The following FOXP1 variants were observed in gnomAD, a reference collection of about 807,000 sequenced individuals.
FOXP1 encodes forkhead box P1.
A neutral mutation model predicts 98.2 loss-of-function variants in FOXP1; 15 were observed. The observed-to-expected ratio is 0.15, with a 90% CI of 0.10 to 0.24. The LOEUF is 0.24. Ranked by LOEUF, FOXP1 falls within the 10% of genes least tolerant of loss-of-function variation. The pLI is 1.00. For missense variants in FOXP1, 633 were observed against 848.5 expected, an observed-to-expected ratio of 0.75 and a Z score of 3.15; for synonymous variants, 371 against 314.5, an observed-to-expected ratio of 1.18 and a Z score of -1.90.
chr3:70,970,673 TTTTG>T, intron 19 of FOXP1, 59 bp downstream of exon 19: 1 of 1,267,352 alleles, frequency 7.9e-7, no homozygotes, highest in Non-Finnish European at 1.2e-6. Flanking sequence ...GGCTAATATA[TTTTG>T]AAATGAGTAG....
chr3:71,197,892 GAAT>G (rs762313892), intron 6 of FOXP1: 1 of 1,614,062 alleles, frequency 6.2e-7, no homozygotes, highest in Non-Finnish European at 8.5e-7. Flanking sequence ...TTTCTCCAAA[GAAT>G]AATTTTATTC....
chr3:71,162,444 TGA>T (rs1202777985), intron 6 of FOXP1, among the ~76,000 whole-genome samples: 1 of 152,206 alleles, frequency 6.6e-6, no homozygotes, highest in Non-Finnish European at 1.5e-5. Context: ...TTATTCTGAC[TGA>T]AGGGGGAGCC....
At chr3:71,233,418 T>G (rs184721646) in intron 5 of FOXP1, among the ~76,000 whole-genome samples, 19 of 152,066 alleles carry the variant, frequency 1.2e-4, no homozygotes, top group East Asian at 9.6e-4. Flanking sequence ...GCTATAGTTT[T>G]TTTTTGTTTT....
intron 11 of FOXP1, among the ~76,000 whole-genome samples, chr3:71,032,640 C>T (rs931613960): frequency 1.3e-5 from 2 of 152,142 alleles, no homozygotes; most frequent in African/African-American, 4.8e-5. Flanking sequence ...AGAGGTAGCT[C>T]CCTCGGAAAG....
intron 2 of FOXP1, among the ~76,000 whole-genome samples, chr3:71,529,424 T>C (rs2043649594): frequency 6.6e-6 from 1 of 152,208 alleles, no homozygotes; most frequent in African/African-American, 2.4e-5. Context: ...CACATAGTCC[T>C]TAAAAACTTT....
intron 3 of FOXP1, among the ~76,000 whole-genome samples, chr3:71,463,694 A>G (rs968714652): frequency 6.6e-6 from 1 of 152,198 alleles, no homozygotes; most frequent in African/African-American, 2.4e-5. Context: ...AATGAAAGCA[A>G]GAAAGCAGCT....
chr3:70,976,901 A>G, intron 17 of FOXP1, 40 bp downstream of exon 17: 1 of 1,395,294 alleles, frequency 7.2e-7, no homozygotes, highest in Non-Finnish European at 1.0e-6. Flanking sequence ...TGTTCTATGA[A>G]CGTCAAGATC....
chr3:71,459,934 T>C (rs1454008524), intron 3 of FOXP1, among the ~76,000 whole-genome samples: 1 of 151,192 alleles, frequency 6.6e-6, no homozygotes, highest in African/African-American at 2.4e-5. Context: ...CCATCTTCTT[T>C]TTTTTTTTTC....
intron 19 of FOXP1, among the ~76,000 whole-genome samples, chr3:70,967,733 A>T: frequency 9.5e-6 from 1 of 104,978 alleles, no homozygotes; most frequent in Non-Finnish European, 1.8e-5. Context: ...TTTTTTGCAA[A>T]CTGCAGTTGG....
intron 3 of FOXP1, among the ~76,000 whole-genome samples, chr3:71,382,054 T>C (rs555512345): frequency 6.6e-6 from 1 of 152,294 alleles, no homozygotes; most frequent in Non-Finnish European, 1.5e-5. Context: ...GGCGAGTTTC[T>C]TGAGTCCAAG....
chr3:71,046,893 C>G, intron 10 of FOXP1, 49 bp downstream of exon 10: 2 of 1,606,814 alleles, frequency 1.2e-6, no homozygotes, highest in Non-Finnish European at 1.7e-6. Context: ...CCCACCACCT[C>G]CACCCAAAGT....
intron 3 of FOXP1, among the ~76,000 whole-genome samples, chr3:71,473,281 A>C (rs2089521080): frequency 6.6e-6 from 1 of 152,172 alleles, no homozygotes; most frequent in Non-Finnish European, 1.5e-5. Context: ...GTGAGACCCT[A>C]AATTGTGGGT....
intron 4 of FOXP1, among the ~76,000 whole-genome samples, chr3:71,356,859 G>C (rs986668623): frequency 1.3e-5 from 2 of 152,212 alleles, no homozygotes; most frequent in African/African-American, 2.4e-5. Context: ...AGTATAGGCA[G>C]AGAATATATT....
At chr3:71,482,909 A>G (rs896398423) in intron 3 of FOXP1, among the ~76,000 whole-genome samples, 2 of 151,132 alleles carry the variant, frequency 1.3e-5, no homozygotes, top group Middle Eastern at 3.2e-3. Context: ...ATCTCAGCTC[A>G]TGGCAACCTC....
chr3:71,059,892 GAGAC>G (rs770416050), intron 7 of FOXP1, among the ~76,000 whole-genome samples: 1 of 152,080 alleles, frequency 6.6e-6, no homozygotes, highest in Non-Finnish European at 1.5e-5. Flanking sequence ...AATAATGAAA[GAGAC>G]AGCAACTGTT....
intron 4 of FOXP1, among the ~76,000 whole-genome samples, chr3:71,331,444 A>G (rs894397469): frequency 1.5e-5 from 2 of 136,956 alleles, no homozygotes; most frequent in African/African-American, 5.4e-5. Flanking sequence ...GCTCCACGGC[A>G]CCCAGTCCCA....
intron 8 of FOXP1, among the ~76,000 whole-genome samples, chr3:71,052,920 TGA>T (rs1414566000): frequency 6.6e-6 from 1 of 152,336 alleles, no homozygotes; most frequent in East Asian, 1.9e-4. Context: ...ATGCCCTTGC[TGA>T]GAGAGTCTGG....
Position 71,211,542 on chromosome 3 carries a change from AT to A in FOXP1, c.-11-13151del, listed in dbSNP as rs2064466403. Among the ~76,000 whole-genome samples the A allele has an allele frequency of 1.1e-4, 17 of 152,230 alleles. No homozygotes were observed. The South Asian group carries it at 3.5e-3, about 32-fold the overall frequency. On this transcript the variant is annotated intron_variant, in intron 5 of 20. Transcript: ENST00000649528. The stretch of plus-strand genomic sequence containing the variant: ...TTACTTCTATGTACCCAGTTTACTT[AT>A]TTTATTCCCCATGAATCCCAAATTG...
intron 7 of FOXP1, among the ~76,000 whole-genome samples, chr3:71,081,064 T>C (rs2054359525): frequency 6.6e-6 from 1 of 152,226 alleles, no homozygotes; most frequent in South Asian, 2.1e-4. Context: ...AACCTCCGAC[T>C]AAACTAATTT....
Sources: allele counts gnomAD v4.1 joint callset (sites outside exome capture counted in the v4.1 genomes callset), GRCh38; gene constraint gnomAD v4.1.1; transcripts MANE v1.5; gene names NCBI Gene and HGNC (gene_info 2026-07-23, HGNC 2026-07-21).